PGM2L1: variants seen among roughly 807,000 people sequenced by gnomAD.
PGM2L1 encodes the protein phosphoglucomutase 2 like 1, also known as glucose 1,6-bisphosphate synthase.
In PGM2L1, 35 loss-of-function variants were observed where a neutral mutation model predicts 73.4. The ratio of observed to expected loss-of-function variants is 0.48; its 90% confidence interval spans 0.36 to 0.63. The LOEUF (loss-of-function observed/expected upper bound fraction) is 0.63, where lower values mean the gene tolerates loss of function less well. Ranked by LOEUF, PGM2L1 falls within the 30% of genes least tolerant of loss-of-function variation. PGM2L1 has a pLI of 0.00. For synonymous variants in PGM2L1, 225 were observed against 253.8 expected, an observed-to-expected ratio of 0.89 and a Z score of 1.08; for missense variants, 570 against 742.0, an observed-to-expected ratio of 0.77 and a Z score of 2.69.
chr11:74,342,738 T>C, intron 11 of PGM2L1, 88 bp from the exon 12 acceptor site: 1 of 1,380,176 alleles, frequency 7.2e-7, no homozygotes, highest in South Asian at 1.5e-5. Context: ...ACTATGGTAT[T>C]TTATACAAAG....
chr11:74,370,319 C>A (rs1364339161), intron 4 of PGM2L1, among the ~76,000 whole-genome samples: 3 of 152,128 alleles, frequency 2.0e-5, no homozygotes, highest in African/African-American at 7.2e-5. Context: ...ACGCTCCGTG[C>A]AAAGCAAGGA....
intron 5 of PGM2L1, among the ~76,000 whole-genome samples, chr11:74,367,674 C>CTA (rs1862681929): frequency 6.6e-6 from 1 of 152,154 alleles, no homozygotes; most frequent in Non-Finnish European, 1.5e-5. Flanking sequence ...ACCCACAACT[C>CTA]TATAACTTAA....
At position 74,368,270 on chromosome 11, in the gene PGM2L1, G is replaced by C. The variant is rs187356880; in HGVS notation, c.555+222C>G. Among the ~76,000 whole-genome samples, 28 of 152,254 alleles carry C rather than the reference G, an allele frequency of 1.8e-4. No homozygotes were observed. In the East Asian group the frequency reaches 4.6e-3, roughly 25 times the overall value. On this transcript the variant is annotated intron_variant, in intron 5 of 13. Transcript: ENST00000298198. ...GGGATAGAGAAATCAAGGACAATTA[G>C]GAATAAAAGAACTAAAGAAGACATT... is the stretch of plus-strand genomic sequence containing the variant.
At position 74,398,214 on chromosome 11, in the gene PGM2L1, T is replaced by TG. The variant is rs1863212132; in HGVS notation, c.-54dup. ...GGCCGGCGAAGACACTGAGTTGGGG[T>TG]GGGGGGTGGCTTGGGGTTCGCTCAC... On this transcript the variant is annotated 5_prime_UTR_variant, in exon 1 of 14. Coordinates refer to ENST00000298198, the MANE Select transcript of PGM2L1 (RefSeq NM_173582.6). 25 of 1,547,846 alleles carry TG rather than the reference T, an allele frequency of 1.6e-5. 1 individual carries two copies. In the South Asian group the frequency reaches 2.2e-4, roughly 14 times the overall value.
At chr11:74,340,282 T>C (rs1046451948) in intron 12 of PGM2L1, among the ~76,000 whole-genome samples, 2 of 152,218 alleles carry the variant, frequency 1.3e-5, no homozygotes, top group African/African-American at 2.4e-5. Flanking sequence ...ATGAATATTA[T>C]ACACTTTAAC....
In PGM2L1 at chr11:74,343,009, GA is replaced by G. The variant is rs773763601; in HGVS notation, c.1317del (p.Leu440SerfsTer12). 3 of 1,598,028 alleles carry G rather than the reference GA, an allele frequency of 1.9e-6. No homozygotes were observed. In the South Asian group the frequency reaches 3.4e-5, roughly 18 times the overall value. ...TTATCCAAAACTGAAGTTCCACAGA[GA>G]AAACCTGAGGATTGAAAACCATCAC... ...VLFAFEESIG[F>X]LCGTSVLDKD... On this transcript the variant is annotated frameshift_variant, in exon 11 of 14. Transcript: ENST00000298198. LOFTEE classifies it high-confidence loss of function.
intron 1 of PGM2L1, among the ~76,000 whole-genome samples, chr11:74,392,366 T>C (rs1863115125): frequency 6.6e-6 from 1 of 152,066 alleles, no homozygotes; most frequent in African/African-American, 2.4e-5. Flanking sequence ...TGAATTTGAA[T>C]TCTAAAAAGA....
rs559937009 is a variant in PGM2L1 at position 74,387,756 on chromosome 11, C to A, written c.111+10295G>T. ...TAAAAGCCAATGTCAGACAGTTAAC[C>A]ACTTAATTTTTATTTATATTTTAAA... On this transcript the variant is annotated intron_variant, in intron 1 of 13. Transcript: ENST00000298198. Among the ~76,000 whole-genome samples the A allele has an allele frequency of 2.0e-5, 3 of 152,236 alleles. No homozygotes were observed. In the South Asian group the frequency reaches 6.2e-4, roughly 32 times the overall value.
At chr11:74,355,566 A>G in intron 5 of PGM2L1, 1 of 339,900 alleles carries the variant, frequency 2.9e-6, no homozygotes, top group South Asian at 2.6e-5. Context: ...AAAAAAAAAA[A>G]AAAAAAAAAA....
intron 1 of PGM2L1, among the ~76,000 whole-genome samples, chr11:74,378,215 T>A (rs1343518572): frequency 6.6e-6 from 1 of 151,810 alleles, no homozygotes; most frequent in African/African-American, 2.4e-5. Flanking sequence ...GGCAGGAGAA[T>A]CACTTGAACT....
chr11:74,389,309 T>C (rs1490499920), intron 1 of PGM2L1, among the ~76,000 whole-genome samples: 1 of 152,146 alleles, frequency 6.6e-6, no homozygotes, highest in Non-Finnish European at 1.5e-5. Context: ...TAATAAGATG[T>C]ATATTCTTTT....
chr11:74,365,848 A>T (rs546803124), intron 5 of PGM2L1, among the ~76,000 whole-genome samples: 1 of 152,148 alleles, frequency 6.6e-6, no homozygotes, highest in Non-Finnish European at 1.5e-5. Flanking sequence ...TTGACCCAGC[A>T]ATCCCATTAC....
intron 4 of PGM2L1, 94 bp downstream of exon 4, chr11:74,370,808 G>T: frequency 2.7e-6 from 3 of 1,131,216 alleles, no homozygotes; most frequent in Non-Finnish European, 3.9e-6. Flanking sequence ...ACTCAATACA[G>T]AACTACATGC....
intron 1 of PGM2L1, among the ~76,000 whole-genome samples, chr11:74,391,880 C>T (rs1490087421): frequency 6.6e-6 from 1 of 152,110 alleles, no homozygotes; most frequent in Admixed American, 6.5e-5. Context: ...TGCCAGTCTC[C>T]TCTTAAATAG....
chr11:74,340,953 GGTAA>G (rs1862173325), intron 12 of PGM2L1, among the ~76,000 whole-genome samples: 2 of 152,210 alleles, frequency 1.3e-5, no homozygotes, highest in Admixed American at 1.3e-4. Flanking sequence ...TATACATGTA[GGTAA>G]GTAAGTAAGC....
intron 8 of PGM2L1, among the ~76,000 whole-genome samples, chr11:74,346,238 C>A (rs919394764): frequency 8.4e-6 from 1 of 119,288 alleles, no homozygotes; most frequent in African/African-American, 3.2e-5. Context: ...CACTCCACTC[C>A]AGCCTAAGCA....
At chr11:74,357,276 G>T (rs1221957588) in intron 5 of PGM2L1, among the ~76,000 whole-genome samples, 1 of 152,172 alleles carries the variant, frequency 6.6e-6, no homozygotes, top group African/African-American at 2.4e-5. Context: ...AAAAAGACAT[G>T]CCAGACTGGG....
intron 1 of PGM2L1, among the ~76,000 whole-genome samples, chr11:74,387,044 T>C (rs73554630): frequency 0.027 from 4,116 of 152,252 alleles, 185 homozygotes; most frequent in African/African-American, 0.095. Context: ...AGAGATCAAT[T>C]TGCTAGTGAG....
intron 1 of PGM2L1, among the ~76,000 whole-genome samples, chr11:74,390,596 G>A (rs2134954884): frequency 6.6e-6 from 1 of 152,212 alleles, no homozygotes; most frequent in Admixed American, 6.5e-5. Context: ...TCCCCTCCCT[G>A]AGAACTTATT....
Sources: allele counts gnomAD v4.1 joint callset (sites outside exome capture counted in the v4.1 genomes callset), GRCh38; gene constraint gnomAD v4.1.1; transcripts MANE v1.5; gene names NCBI Gene and HGNC (gene_info 2026-07-23, HGNC 2026-07-21).